Variants in STAC observed in about 807,000 individuals in gnomAD.
The protein encoded by STAC is SH3 and cysteine rich domain, also known as SH3 and cysteine-rich domain-containing protein.
A neutral mutation model predicts 48.8 loss-of-function variants in STAC; 43 were observed. The observed-to-expected ratio is 0.88, with a 90% confidence interval of 0.69 to 1.14. The LOEUF is 1.14. STAC is among the 50% of genes most tolerant of loss of function. The pLI is 0.00. For missense variants in STAC, 497 were observed against 504.0 expected, an observed-to-expected ratio of 0.99 and a Z score of 0.13; for synonymous variants, 193 against 179.5, an observed-to-expected ratio of 1.07 and a Z score of -0.60.
intron 2 of STAC, among the ~76,000 whole-genome samples, chr3:36,480,415 C>T (rs1241129665): frequency 1.3e-5 from 2 of 152,152 alleles, no homozygotes; most frequent in Non-Finnish European, 2.9e-5. Context: ...ATGATGCCAT[C>T]CTGAAGAAAG....
chr3:36,537,077 G>A (rs925800190), intron 10 of STAC, among the ~76,000 whole-genome samples: 8 of 152,134 alleles, frequency 5.3e-5, no homozygotes, highest in Admixed American at 2.0e-4. Context: ...GGAGAAATAG[G>A]AATGCTTTTA....
intron 2 of STAC, among the ~76,000 whole-genome samples, chr3:36,446,104 C>T (rs1696502229): frequency 6.6e-6 from 1 of 152,180 alleles, no homozygotes; most frequent in Non-Finnish European, 1.5e-5. Context: ...TGCCCTTGGA[C>T]TTGATGCCTG....
At chr3:36,470,819 T>C (rs776881948) in intron 2 of STAC, among the ~76,000 whole-genome samples, 11 of 152,224 alleles carry the variant, frequency 7.2e-5, no homozygotes, top group Non-Finnish European at 1.0e-4. Context: ...TGCCAATGAT[T>C]TCTCCCAAGA....
chr3:36,516,266 A>G (rs969902262), intron 8 of STAC, among the ~76,000 whole-genome samples: 2 of 151,966 alleles, frequency 1.3e-5, no homozygotes, highest in African/African-American at 4.8e-5. Flanking sequence ...ACAGGCGCGA[A>G]CCACCGTGCC....
intron 10 of STAC, chr3:36,529,209 T>A: frequency 3.1e-6 from 1 of 326,298 alleles, no homozygotes; most frequent in Non-Finnish European, 5.5e-6. Flanking sequence ...CGAAACGTGA[T>A]AGTGGCAGGC....
chr3:36,455,331 A>G (rs1696822896), intron 2 of STAC, among the ~76,000 whole-genome samples: 1 of 152,186 alleles, frequency 6.6e-6, no homozygotes, highest in African/African-American at 2.4e-5. Context: ...GGTGGACAGA[A>G]AGTAGACACA....
chr3:36,500,130 A>G (rs1159943991), intron 6 of STAC, among the ~76,000 whole-genome samples: 1 of 152,230 alleles, frequency 6.6e-6, no homozygotes, highest in African/African-American at 2.4e-5. Context: ...CTGTACAGAT[A>G]TAGAGGATTT....
intron 1 of STAC, among the ~76,000 whole-genome samples, chr3:36,430,412 A>G (rs1200037609): frequency 1.3e-5 from 2 of 152,176 alleles, no homozygotes; most frequent in East Asian, 1.9e-4. Flanking sequence ...TTAGATAATG[A>G]GCAGTAGGTC....
At chr3:36,526,072 A>G (rs1392949948) in intron 8 of STAC, among the ~76,000 whole-genome samples, 1 of 152,234 alleles carries the variant, frequency 6.6e-6, no homozygotes, top group Non-Finnish European at 1.5e-5. Flanking sequence ...TTCCTCGCAG[A>G]CTACAGCAAA....
intron 10 of STAC, among the ~76,000 whole-genome samples, chr3:36,543,395 T>C (rs546218397): frequency 3.7e-4 from 56 of 152,334 alleles, no homozygotes; most frequent in Non-Finnish European, 1.0e-4. Context: ...GTACTCATCA[T>C]CTTCAAAACT....
intron 1 of STAC, among the ~76,000 whole-genome samples, chr3:36,442,215 A>C (rs1696370030): frequency 6.6e-6 from 1 of 152,248 alleles, no homozygotes; most frequent in South Asian, 2.1e-4. Flanking sequence ...TTTATGGAGC[A>C]AAAGTGCTGA....
At chr3:36,494,389 T>C (rs571429750) in intron 6 of STAC, among the ~76,000 whole-genome samples, 2 of 152,222 alleles carry the variant, frequency 1.3e-5, no homozygotes, top group African/African-American at 2.4e-5. Flanking sequence ...TGCATTCTCA[T>C]GGCAGAAGTT....
intron 10 of STAC, among the ~76,000 whole-genome samples, chr3:36,541,697 G>T (rs935266853): frequency 5.3e-5 from 8 of 152,186 alleles, no homozygotes; most frequent in Admixed American, 5.2e-4. Context: ...GAATCCAGAA[G>T]ACCGTAAACT....
intron 2 of STAC, among the ~76,000 whole-genome samples, chr3:36,479,086 T>A (rs182740954): frequency 8.3e-4 from 127 of 152,326 alleles, no homozygotes; most frequent in African/African-American, 3.0e-3. Context: ...GATCTGATAT[T>A]TTCCTCTGTC....
chr3:36,422,797 T>C (rs941457991), intron 1 of STAC, among the ~76,000 whole-genome samples: 3 of 152,100 alleles, frequency 2.0e-5, no homozygotes, highest in Non-Finnish European at 2.9e-5. Context: ...AAGCACTAGT[T>C]AAGGTATATC....
chr3:36,453,781 C>G lies in STAC; in HGVS notation c.388+10141C>G, dbSNP rs1455382921. On this transcript the variant is annotated intron_variant, in intron 2 of 10. Transcript: ENST00000273183. ...GCTGGGCTCCTGAGTCTGGTGGGGA[C>G]GTGGAGAACCTTTATGTCTGGCTAG... 1.8e-4 allele frequency among the ~76,000 whole-genome samples: 5 copies of G among 27,516 alleles called. 2 individuals are homozygous for G. The highest frequency in any genetic ancestry group is 5.4e-4 in the African/African-American group (5 of 9,230). 18.1% of individuals were successfully genotyped at this position (27,516 alleles called of 152,430 possible).
intron 1 of STAC, among the ~76,000 whole-genome samples, chr3:36,390,750 T>G (rs1699738051): frequency 6.6e-6 from 1 of 152,174 alleles, no homozygotes; most frequent in South Asian, 2.1e-4. Context: ...TTTTATTTTG[T>G]TTTTGTATTT....
At chr3:36,420,315 C>T (rs768848015) in intron 1 of STAC, among the ~76,000 whole-genome samples, 13 of 152,162 alleles carry the variant, frequency 8.5e-5, no homozygotes, top group Non-Finnish European at 1.8e-4. Context: ...TACTTTTTCT[C>T]CATATAAAAT....
intron 8 of STAC, chr3:36,506,189 G>A (rs1358951029): frequency 5.8e-6 from 1 of 172,846 alleles, no homozygotes; most frequent in Admixed American, 6.0e-5. Flanking sequence ...TTGGCATCTG[G>A]TGGGGCCTAA....
Sources: gnomAD v4.1 joint callset for allele counts (sites outside exome capture counted in the v4.1 genomes callset) on GRCh38, gnomAD v4.1.1 for gene constraint, MANE v1.5 for transcripts, NCBI Gene and HGNC (gene_info 2026-07-23, HGNC 2026-07-21) for gene names.